The following GUCY1A2 variants were observed in gnomAD, a reference collection of about 807,000 sequenced individuals.
GUCY1A2 encodes guanylate cyclase 1 soluble subunit alpha 2.
Under a neutral mutation model 63.5 loss-of-function variants are expected in GUCY1A2, and 27 were observed. That is an observed-to-expected ratio of 0.43 (90% CI 0.31 to 0.59). The LOEUF (loss-of-function observed/expected upper bound fraction) is 0.59. Among genes scored for constraint, GUCY1A2 ranks in the 20% least tolerant of loss-of-function variants. GUCY1A2 has a pLI of 0.11. For synonymous variants in GUCY1A2, 364 were observed against 343.5 expected, an observed-to-expected ratio of 1.06 and a Z score of -0.66; for missense variants, 768 against 913.3, an observed-to-expected ratio of 0.84 and a Z score of 2.05.
At chr11:106,891,566 T>C (rs994948933) in intron 4 of GUCY1A2, among the ~76,000 whole-genome samples, 5 of 152,178 alleles carry the variant, frequency 3.3e-5, no homozygotes, top group African/African-American at 7.2e-5. Flanking sequence ...TGTATTTATG[T>C]CTATGATCCA....
At chr11:106,978,199 C>T (rs1008066441) in intron 3 of GUCY1A2, among the ~76,000 whole-genome samples, 2 of 152,116 alleles carry the variant, frequency 1.3e-5, no homozygotes, top group African/African-American at 4.8e-5. Context: ...CAGAAAGGAA[C>T]ATTGGATTGT....
Position 106,679,634 on chromosome 11 carries a change from C to A in GUCY1A2, c.*7915G>T, listed in dbSNP as rs1221011807. Reference sequence around the variant, plus strand: ...TTCTTCTCACTGAATGCTAGCTCAGCCAGGCATGTTATAAAAGGAAAAAAT... The same window carrying A: ...TTCTTCTCACTGAATGCTAGCTCAGACAGGCATGTTATAAAAGGAAAAAAT... On this transcript the variant is annotated 3_prime_UTR_variant, in exon 8 of 8. Coordinates refer to ENST00000526355, the MANE Select transcript of GUCY1A2 (RefSeq NM_000855.3). 9.4e-6 allele frequency: 2 copies of A among 212,392 alleles called. No individual in the cohort carries two copies. Among genetic ancestry groups the A allele is most frequent in the African/African-American group, 2.3e-5 (1 of 44,128 alleles). The allele number at this position is 212,392 out of a possible 1,614,324, so 13.2% of individuals were successfully genotyped here.
chr11:106,699,782 T>C (rs961707079), intron 7 of GUCY1A2, among the ~76,000 whole-genome samples: 18 of 152,104 alleles, frequency 1.2e-4, no homozygotes, highest in South Asian at 1.0e-3. Context: ...TCTTTTTTCT[T>C]TTTTTTCTTT....
rs1459262146 is a variant in GUCY1A2, at chr11:106,679,389, A to C, written c.*8160T>G. On this transcript the variant is annotated 3_prime_UTR_variant, in exon 8 of 8. Coordinates refer to ENST00000526355, the MANE Select transcript of GUCY1A2 (RefSeq NM_000855.3). ...GACAGATGGACATTTTTCTGCTCTA[A>C]AGTTCCACACTTGTTTTGCTAGCAG... 1 of 194,750 alleles carries C rather than the reference A, an allele frequency of 5.1e-6. No homozygotes were observed. Among genetic ancestry groups the C allele is most frequent in the Non-Finnish European group, 1.1e-5 (1 of 93,800 alleles). 12.1% of individuals were successfully genotyped at this position (194,750 alleles called of 1,614,324 possible).
At chr11:106,861,804 A>G (rs1395741177) in intron 4 of GUCY1A2, among the ~76,000 whole-genome samples, 3 of 151,922 alleles carry the variant, frequency 2.0e-5, no homozygotes, top group Non-Finnish European at 4.4e-5. Flanking sequence ...CTTTTATCTC[A>G]TTTTTCTATA....
At chr11:106,782,708 A>G (rs931494063) in intron 5 of GUCY1A2, among the ~76,000 whole-genome samples, 1 of 152,144 alleles carries the variant, frequency 6.6e-6, no homozygotes, top group Non-Finnish European at 1.5e-5. Flanking sequence ...AAACTGAACA[A>G]TGAGGTCAAT....
At chr11:106,934,916 A>G (rs1202630526) in intron 4 of GUCY1A2, among the ~76,000 whole-genome samples, 3 of 152,230 alleles carry the variant, frequency 2.0e-5, no homozygotes, top group African/African-American at 7.2e-5. Context: ...GCCTAAGTTA[A>G]CACATCCATT....
intron 3 of GUCY1A2, among the ~76,000 whole-genome samples, chr11:106,941,412 A>C (rs1286871207): frequency 6.6e-6 from 1 of 152,224 alleles, no homozygotes; most frequent in Non-Finnish European, 1.5e-5. Flanking sequence ...TATAACACAT[A>C]CAAAAGATTT....
chr11:106,707,016 A>C (rs1431272044), intron 7 of GUCY1A2, among the ~76,000 whole-genome samples: 3 of 152,142 alleles, frequency 2.0e-5, no homozygotes, highest in African/African-American at 7.2e-5. Context: ...GATTAGATAG[A>C]ATCCTGAAAC....
intron 4 of GUCY1A2, chr11:106,827,198 T>C: frequency 6.6e-7 from 1 of 1,516,132 alleles, no homozygotes; most frequent in Non-Finnish European, 9.2e-7. Context: ...CCCAACGCAC[T>C]GCCTACATTA....
In GUCY1A2 at chr11:106,815,888, A is replaced by C. The variant is rs573050270; in HGVS notation, c.1207-5410T>G. On this transcript the variant is annotated intron_variant, in intron 4 of 7. Transcript: ENST00000526355. Reference sequence around the variant, plus strand: ...AAGCCAAGAAACCTCAAGACCTGCCAGCAGCCACAAAAAGCTAGAAGAAGC... The same window carrying C: ...AAGCCAAGAAACCTCAAGACCTGCCCGCAGCCACAAAAAGCTAGAAGAAGC... Among the ~76,000 whole-genome samples the C allele has an allele frequency of 4.6e-5, 7 of 152,112 alleles. No individual in the cohort carries two copies. The South Asian group carries it at 1.5e-3, about 32-fold the overall frequency.
chr11:106,896,300 GA>G (rs1181830575), intron 4 of GUCY1A2, among the ~76,000 whole-genome samples: 2 of 151,866 alleles, frequency 1.3e-5, no homozygotes, highest in Non-Finnish European at 2.9e-5. Flanking sequence ...AACTAGTAAT[GA>G]AGGGGAACTT....
chr11:106,855,893 T>TTTTATTTA (rs200600627), intron 4 of GUCY1A2, among the ~76,000 whole-genome samples: 90 of 94,430 alleles, frequency 9.5e-4, no homozygotes, highest in South Asian at 8.5e-3. Flanking sequence ...GTCTCTTGTA[T>TTTTATTTA]TTTATTTATT....
intron 4 of GUCY1A2, among the ~76,000 whole-genome samples, chr11:106,859,509 T>A (rs980770711): frequency 2.6e-5 from 4 of 152,042 alleles, no homozygotes; most frequent in Admixed American, 6.6e-5. Context: ...AAAAGTTTAC[T>A]AAGCATCTTT....
At chr11:106,709,915 A>G (rs1247076129) in intron 6 of GUCY1A2, among the ~76,000 whole-genome samples, 5 of 138,110 alleles carry the variant, frequency 3.6e-5, no homozygotes, top group Non-Finnish European at 6.1e-5. Context: ...ATAGTTATAT[A>G]TAACATATAG....
chr11:106,957,691 T>C (rs1591343392), intron 3 of GUCY1A2, among the ~76,000 whole-genome samples: 1 of 151,800 alleles, frequency 6.6e-6, no homozygotes, highest in Non-Finnish European at 1.5e-5. Context: ...TTTTTTCCAG[T>C]GGGAGCCTCT....
At chr11:107,010,058 A>G (rs1861722784) in intron 1 of GUCY1A2, among the ~76,000 whole-genome samples, 1 of 152,122 alleles carries the variant, frequency 6.6e-6, no homozygotes, top group Non-Finnish European at 1.5e-5. Context: ...TTAAATGAAG[A>G]ACTGTTTAAT....
chr11:106,830,451 A>G (rs1232810136), intron 4 of GUCY1A2, among the ~76,000 whole-genome samples: 1 of 152,212 alleles, frequency 6.6e-6, no homozygotes, highest in Non-Finnish European at 1.5e-5. Flanking sequence ...AAGGAGATTA[A>G]CATTTGAGTC....
At chr11:106,783,013 G>A (rs1864493043) in intron 5 of GUCY1A2, among the ~76,000 whole-genome samples, 1 of 152,080 alleles carries the variant, frequency 6.6e-6, no homozygotes, top group Admixed American at 6.5e-5. Flanking sequence ...TAGGTCCATG[G>A]AACGCCCATG....
Sources: gnomAD v4.1 joint callset for allele counts (sites outside exome capture counted in the v4.1 genomes callset) on GRCh38, gnomAD v4.1.1 for gene constraint, MANE v1.5 for transcripts, NCBI Gene and HGNC (gene_info 2026-07-23, HGNC 2026-07-21) for gene names.